Variants in SGCZ observed in about 807,000 individuals in gnomAD.
SGCZ encodes zeta-sarcoglycan.
Under a neutral mutation model 41.3 loss-of-function variants are expected in SGCZ, and 40 were observed. The observed-to-expected ratio is 0.97, with a 90% confidence interval of 0.75 to 1.26. The LOEUF (loss-of-function observed/expected upper bound fraction) is 1.26, where lower values mean the gene tolerates loss of function less well. Ranked by LOEUF, SGCZ falls within the 50% of genes most tolerant of loss-of-function variation. The pLI, the probability that SGCZ is intolerant of heterozygous loss-of-function variation, is 0.00. For missense variants in SGCZ, 552 were observed against 369.8 expected, an observed-to-expected ratio of 1.49 and a Z score of -4.04; for synonymous variants, 206 against 137.5, an observed-to-expected ratio of 1.50 and a Z score of -3.49.
intron 1 of SGCZ, among the ~76,000 whole-genome samples, chr8:15,226,763 C>T (rs190429911): frequency 3.3e-5 from 5 of 152,260 alleles, no homozygotes; most frequent in Admixed American, 3.3e-4. Flanking sequence ...GCAAGAAATA[C>T]ATACATATGT....
chr8:14,353,969 C>G (rs1373020697), intron 2 of SGCZ, among the ~76,000 whole-genome samples: 1 of 152,064 alleles, frequency 6.6e-6, no homozygotes, highest in Admixed American at 6.6e-5. Context: ...ATTCCTGAAT[C>G]TAGTTCTCAT....
intron 4 of SGCZ, among the ~76,000 whole-genome samples, chr8:14,211,604 G>A (rs1428274255): frequency 1.3e-5 from 2 of 152,002 alleles, no homozygotes; most frequent in African/African-American, 2.4e-5. Flanking sequence ...TTAAAATCAT[G>A]GCAGGAGCTG....
chr8:14,110,029 G>C (rs1802326187), intron 5 of SGCZ, among the ~76,000 whole-genome samples: 2 of 151,960 alleles, frequency 1.3e-5, no homozygotes, highest in Admixed American at 6.6e-5. Flanking sequence ...CATGAATTTT[G>C]AGAAATTATT....
chr8:14,819,628 A>G (rs777874358), intron 1 of SGCZ, among the ~76,000 whole-genome samples: 2 of 152,168 alleles, frequency 1.3e-5, no homozygotes, highest in Non-Finnish European at 2.9e-5. Context: ...TCAATACTCC[A>G]GTATGAAGGA....
intron 1 of SGCZ, among the ~76,000 whole-genome samples, chr8:14,677,396 T>C (rs1310696653): frequency 6.6e-6 from 1 of 152,142 alleles, no homozygotes; most frequent in Non-Finnish European, 1.5e-5. Context: ...TTCATAGATA[T>C]AATGCAACCC....
chr8:14,891,377 G>C (rs1226679447), intron 1 of SGCZ, among the ~76,000 whole-genome samples: 2 of 152,172 alleles, frequency 1.3e-5, no homozygotes, highest in East Asian at 3.9e-4. Context: ...ACTTTGAGAG[G>C]TTCAAGACTT....
chr8:14,468,343 A>G (rs1203958679), intron 2 of SGCZ, among the ~76,000 whole-genome samples: 2 of 152,118 alleles, frequency 1.3e-5, no homozygotes, highest in Non-Finnish European at 2.9e-5. Flanking sequence ...GAGCACAAGC[A>G]TAAAGAAGTA....
At chr8:14,096,399 G>C (rs889493832) in intron 7 of SGCZ, among the ~76,000 whole-genome samples, 5 of 152,028 alleles carry the variant, frequency 3.3e-5, no homozygotes, top group Non-Finnish European at 7.4e-5. Flanking sequence ...GTGATTGATT[G>C]ATTACATATA....
intron 2 of SGCZ, among the ~76,000 whole-genome samples, chr8:14,366,228 A>G (rs1486435976): frequency 6.6e-6 from 1 of 152,176 alleles, no homozygotes; most frequent in Non-Finnish European, 1.5e-5. Context: ...AAACAGTTTA[A>G]TGGACTCACA....
chr8:14,173,035 G>T (rs185491827), intron 4 of SGCZ, among the ~76,000 whole-genome samples: 2 of 152,124 alleles, frequency 1.3e-5, no homozygotes, highest in Admixed American at 6.6e-5. Context: ...TGAGGCCCCT[G>T]AGTGCCACAG....
At chr8:15,027,627 G>C (rs569625182) in intron 1 of SGCZ, among the ~76,000 whole-genome samples, 100 of 152,108 alleles carry the variant, frequency 6.6e-4, no homozygotes, top group African/African-American at 2.1e-3. Context: ...TTAATCTGAA[G>C]ATATTGCAAG....
intron 1 of SGCZ, among the ~76,000 whole-genome samples, chr8:15,217,184 G>A (rs1263284647): frequency 1.3e-5 from 2 of 152,000 alleles, no homozygotes; most frequent in Admixed American, 6.6e-5. Context: ...TTGGGAGGCC[G>A]AGGCGGGCGG....
Position 14,314,768 on chromosome 8 carries a change from T to C in SGCZ, c.336+9335A>G, listed in dbSNP as rs185874992. 6.6e-5 allele frequency among the ~76,000 whole-genome samples: 10 copies of C among 152,244 alleles called. No individual in the cohort carries two copies. In the East Asian group the frequency reaches 1.9e-3, roughly 29 times the overall value. ...TGTATTTACATATTTTCCTCAGCTT[T>C]TAGTGGACCCAGTTAAAGATGTCTG... is the stretch of plus-strand genomic sequence containing the variant. On this transcript the variant is annotated intron_variant, in intron 3 of 7. Transcript: ENST00000382080.
At chr8:14,562,861 A>G (rs1804247148) in intron 1 of SGCZ, among the ~76,000 whole-genome samples, 1 of 152,166 alleles carries the variant, frequency 6.6e-6, no homozygotes, top group Non-Finnish European at 1.5e-5. Flanking sequence ...TGAAGTGACG[A>G]AGCTGGGATC....
At chr8:14,347,126 A>G (rs1802914599) in intron 2 of SGCZ, among the ~76,000 whole-genome samples, 2 of 152,120 alleles carry the variant, frequency 1.3e-5, no homozygotes, top group Non-Finnish European at 2.9e-5. Context: ...GCTGAGAGAC[A>G]TTATGTTATG....
chr8:14,735,464 G>A (rs757285015), intron 1 of SGCZ, among the ~76,000 whole-genome samples: 1 of 152,140 alleles, frequency 6.6e-6, no homozygotes, highest in Non-Finnish European at 1.5e-5. Flanking sequence ...CTGCCCTTGG[G>A]CATCAGACTT....
intron 1 of SGCZ, among the ~76,000 whole-genome samples, chr8:15,185,126 G>A (rs1800295832): frequency 6.6e-6 from 1 of 152,080 alleles, no homozygotes; most frequent in Non-Finnish European, 1.5e-5. Context: ...AATTTTAATT[G>A]GGAACTAGGT....
intron 2 of SGCZ, among the ~76,000 whole-genome samples, chr8:14,522,771 G>C (rs1260708213): frequency 6.6e-6 from 1 of 151,106 alleles, no homozygotes. Flanking sequence ...GCTTCTGTAG[G>C]CTTATTTTCC....
chr8:14,206,920 C>T (rs1805635301), intron 4 of SGCZ, among the ~76,000 whole-genome samples: 1 of 152,150 alleles, frequency 6.6e-6, no homozygotes, highest in African/African-American at 2.4e-5. Context: ...TGGCCTTCAA[C>T]CCACACCAAG....
Sources: allele counts gnomAD v4.1 joint callset (sites outside exome capture counted in the v4.1 genomes callset), GRCh38; gene constraint gnomAD v4.1.1; transcripts MANE v1.5; gene names NCBI Gene and HGNC (gene_info 2026-07-23, HGNC 2026-07-21).